The following DCDC2 variants were observed in gnomAD, a reference collection of about 807,000 sequenced individuals.
DCDC2 encodes the protein doublecortin domain-containing protein 2.
Under a neutral mutation model 50.2 loss-of-function variants are expected in DCDC2, and 40 were observed. The observed-to-expected ratio is 0.80, with a 90% CI of 0.62 to 1.04. The LOEUF is 1.04. Ranked by LOEUF, DCDC2 falls within the 50% of genes least tolerant of loss-of-function variation. The pLI is 0.00. For synonymous variants in DCDC2, 234 were observed against 210.6 expected (o/e 1.11, Z -0.96); for missense variants, 570 against 581.9 (o/e 0.98, Z 0.21).
At chr6:24,305,614 C>T (rs1759456556) in intron 2 of DCDC2, among the ~76,000 whole-genome samples, 1 of 152,170 alleles carries the variant, frequency 6.6e-6, no homozygotes, top group Non-Finnish European at 1.5e-5. Flanking sequence ...AAGGGTTGGT[C>T]AGTTGGTGGT....
intron 7 of DCDC2, among the ~76,000 whole-genome samples, chr6:24,220,869 C>CGAGAGAGACAG (rs199513421): frequency 7.5e-6 from 1 of 133,478 alleles, no homozygotes; most frequent in Non-Finnish European, 1.5e-5. Flanking sequence ...AGACAGAGAG[C>CGAGAGAGACAG]AAGAGAGCGA....
intron 2 of DCDC2, among the ~76,000 whole-genome samples, chr6:24,303,462 C>T (rs1759419304): frequency 6.6e-6 from 1 of 152,134 alleles, no homozygotes; most frequent in African/African-American, 2.4e-5. Context: ...AAAACGCCCT[C>T]CTCATTTCTC....
chr6:24,285,228 G>T (rs1251600584), intron 6 of DCDC2, among the ~76,000 whole-genome samples: 1 of 152,076 alleles, frequency 6.6e-6, no homozygotes, highest in African/African-American at 2.4e-5. Flanking sequence ...GTGGAAAGAG[G>T]GACAAACTCT....
At chr6:24,300,160 C>A (rs1038674740) in intron 4 of DCDC2, among the ~76,000 whole-genome samples, 1 of 151,654 alleles carries the variant, frequency 6.6e-6, no homozygotes, top group African/African-American at 2.4e-5. Flanking sequence ...GAGGCCAAGG[C>A]GGGCGGATTG....
chr6:24,223,505 C>T (rs1762160903), intron 7 of DCDC2, among the ~76,000 whole-genome samples: 1 of 152,180 alleles, frequency 6.6e-6, no homozygotes, highest in South Asian at 2.1e-4. Flanking sequence ...CAGGTTGCAA[C>T]AATTTTACTT....
intron 7 of DCDC2, among the ~76,000 whole-genome samples, chr6:24,270,494 A>T (rs897724081): frequency 2.6e-5 from 4 of 152,086 alleles, no homozygotes; most frequent in African/African-American, 9.7e-5. Flanking sequence ...ATATCAACAA[A>T]TACTGACCCT....
chr6:24,184,914 C>T (rs1456231755), intron 8 of DCDC2, among the ~76,000 whole-genome samples: 1 of 152,124 alleles, frequency 6.6e-6, no homozygotes, highest in Non-Finnish European at 1.5e-5. Context: ...TAACAAAAAA[C>T]TCATAATTTA....
At chr6:24,304,298 C>A (rs560132736) in intron 2 of DCDC2, among the ~76,000 whole-genome samples, 1 of 152,156 alleles carries the variant, frequency 6.6e-6, no homozygotes, top group Non-Finnish European at 1.5e-5. Flanking sequence ...GCCTGGCCAA[C>A]ATGGTGAAAC....
intron 8 of DCDC2, among the ~76,000 whole-genome samples, chr6:24,181,864 C>T (rs1438058259): frequency 6.6e-6 from 1 of 152,094 alleles, no homozygotes; most frequent in Non-Finnish European, 1.5e-5. Flanking sequence ...GCCAAAACAA[C>T]TTTGAAAAAG....
At chr6:24,208,165 G>A (rs752223101) in intron 7 of DCDC2, among the ~76,000 whole-genome samples, 9 of 152,016 alleles carry the variant, frequency 5.9e-5, no homozygotes, top group African/African-American at 9.7e-5. Context: ...TCACGGACCC[G>A]CTATGCTTTT....
At chr6:24,288,548 T>C (rs984116058) in intron 6 of DCDC2, among the ~76,000 whole-genome samples, 1 of 152,212 alleles carries the variant, frequency 6.6e-6, no homozygotes, top group Admixed American at 6.5e-5. Context: ...TGGATGATCA[T>C]TGATGTGACC....
chr6:24,177,452 T>C (rs900838477), intron 9 of DCDC2, among the ~76,000 whole-genome samples: 2 of 152,184 alleles, frequency 1.3e-5, no homozygotes, highest in Admixed American at 6.5e-5. Flanking sequence ...TCAGTGATCA[T>C]AGTGGGTATT....
chr6:24,366,685 C>G, the DCDC2 span, among the ~76,000 whole-genome samples: 1 of 152,134 alleles, frequency 6.6e-6, no homozygotes, highest in Non-Finnish European at 1.5e-5. Context: ...GTATTAGAAA[C>G]CATTATGGAG....
intron 7 of DCDC2, among the ~76,000 whole-genome samples, chr6:24,241,703 A>G (rs1762565932): frequency 6.6e-6 from 1 of 152,226 alleles, no homozygotes; most frequent in Non-Finnish European, 1.5e-5. Context: ...AGTAATCTCA[A>G]AAGATCTTAT....
intron 2 of DCDC2, among the ~76,000 whole-genome samples, chr6:24,343,385 C>A (rs1367602647): frequency 6.6e-6 from 1 of 152,154 alleles, no homozygotes; most frequent in African/African-American, 2.4e-5. Context: ...CATGCATGAG[C>A]AGCATTCAAT....
intron 7 of DCDC2, among the ~76,000 whole-genome samples, chr6:24,275,480 TTCTA>T (rs1418886876): frequency 2.0e-5 from 3 of 152,206 alleles, no homozygotes; most frequent in Non-Finnish European, 4.4e-5. Context: ...TATATGTTCT[TTCTA>T]TCCAAATGAA....
At chr6:24,194,193 T>C (rs1561885193) in intron 8 of DCDC2, among the ~76,000 whole-genome samples, 1 of 152,100 alleles carries the variant, frequency 6.6e-6, no homozygotes, top group African/African-American at 2.4e-5. Flanking sequence ...GTGTGGCAAA[T>C]GGCTGCTATT....
chr6:24,306,590 A>C (rs1386272978), intron 2 of DCDC2, among the ~76,000 whole-genome samples: 1 of 150,930 alleles, frequency 6.6e-6, no homozygotes, highest in African/African-American at 2.4e-5. Flanking sequence ...TATTTCTTGG[A>C]AATATTTCCA....
chr6:24,359,249 TATATATA>T (rs1192016480), upstream of DCDC2, among the ~76,000 whole-genome samples: 1 of 78,228 alleles, frequency 1.3e-5, no homozygotes, highest in Non-Finnish European at 2.2e-5. Flanking sequence ...TTTTATATAT[TATATATA>T]ATATATATTT....
Sources: gnomAD v4.1 joint callset for allele counts (sites outside exome capture counted in the v4.1 genomes callset) on GRCh38, gnomAD v4.1.1 for gene constraint, MANE v1.5 for transcripts, NCBI Gene and HGNC (gene_info 2026-07-23, HGNC 2026-07-21) for gene names.